The following TFIP11 variants were observed in gnomAD, a reference collection of about 807,000 sequenced individuals.
The protein encoded by TFIP11 is tuftelin interacting protein 11, also known as tuftelin-interacting protein 11.
In TFIP11, 86 loss-of-function variants were observed where a neutral mutation model predicts 96.8. That is an observed-to-expected ratio of 0.89 (90% CI 0.75 to 1.06). TFIP11 has a LOEUF of 1.06. Ranked by LOEUF, TFIP11 falls within the 50% of genes least tolerant of loss-of-function variation. TFIP11 has a pLI of 0.00. For missense variants in TFIP11, 881 were observed against 1,076.7 expected (o/e 0.82, Z 2.54); for synonymous variants, 405 against 395.2 (o/e 1.02, Z -0.29).
At chr22:26,510,333 C>T (rs1830480577) in intron 3 of TFIP11, 52 bp from the exon 4 acceptor site, 1 of 1,541,722 alleles carries the variant, frequency 6.5e-7, no homozygotes, top group East Asian at 2.3e-5. Context: ...GGGCAGCAGT[C>T]GAAGGATTCC....
chr22:26,493,692 T>C (rs544606761), intron 14 of TFIP11: 1 of 175,536 alleles, frequency 5.7e-6, no homozygotes, highest in African/African-American at 2.4e-5. Context: ...CTCTCCCTTT[T>C]AGCCTATAAA....
At position 26,510,099 on chromosome 22, in the gene TFIP11, G is replaced by A. The variant is rs756927674; in HGVS notation, c.174C>T (p.Asp58=). 4.3e-6 allele frequency: 7 copies of A among 1,613,900 alleles called. No individual in the cohort carries two copies. Among genetic ancestry groups the A allele is most frequent in the Non-Finnish European group, 5.9e-6 (7 of 1,180,048 alleles). The part of the protein sequence containing the change: ...EATYGVWAER[D]SDDERPSFGG... Reference sequence around the variant, plus strand: ...CAAAGCTGGGCCTCTCATCATCCGAGTCTCGCTCTGCCCACACCCCGTAGG... The same window carrying A: ...CAAAGCTGGGCCTCTCATCATCCGAATCTCGCTCTGCCCACACCCCGTAGG... The change falls in exon 4 of 15, where the codon GAC becomes GAT. Residue 58 remains aspartate (D), a synonymous_variant. Coordinates refer to ENST00000407690, the MANE Select transcript of TFIP11 (RefSeq NM_012143.4).
At chr22:26,497,357 C>CT (rs1422993067) in intron 10 of TFIP11, among the ~76,000 whole-genome samples, 4 of 152,274 alleles carry the variant, frequency 2.6e-5, no homozygotes, top group Non-Finnish European at 2.9e-5. Flanking sequence ...TTCCCATCTG[C>CT]TTTTTTTGCT....
At chr22:26,499,733 C>CTT in intron 8 of TFIP11, 102 bp from the exon 9 acceptor site, 1 of 1,233,814 alleles carries the variant, frequency 8.1e-7, no homozygotes, top group South Asian at 1.5e-5. Context: ...TGTGTAGAAA[C>CTT]CACATTATTC....
chr22:26,499,315 A>G lies in TFIP11; in HGVS notation c.1118T>C (p.Leu373Pro). Residue 373 changes from leucine (L) to proline (P), a missense_variant, in exon 9 of 15, where the codon CTC becomes CCC. Transcript: ENST00000407690. Reference sequence around the variant, plus strand: ...CTCCACCATCTCCAGGACCTTGCTGAGGTTCGAGATGACCCGCTCCTCGTG... The same window carrying G: ...CTCCACCATCTCCAGGACCTTGCTGGGGTTCGAGATGACCCGCTCCTCGTG... The part of the protein sequence containing the change: ...LDHEERVISN[L>P]SKVLEMVEEC... 6.2e-7 allele frequency: 1 copy of G among 1,613,970 alleles called. No individual in the cohort carries two copies. The highest frequency in any genetic ancestry group is 8.5e-7 in the Non-Finnish European group (1 of 1,179,958).
At chr22:26,492,625 G>A in intron 14 of TFIP11, 1 of 463,152 alleles carries the variant, frequency 2.2e-6, no homozygotes, top group South Asian at 2.4e-5. Context: ...TATCTGCAAG[G>A]GATTTCTTCC....
At chr22:26,494,738 A>G in intron 13 of TFIP11, 59 bp downstream of exon 13, 1 of 1,609,242 alleles carries the variant, frequency 6.2e-7, no homozygotes, top group Non-Finnish European at 8.5e-7. Context: ...CTTGGCAGAA[A>G]ATTAACTTAA....
intron 13 of TFIP11, chr22:26,494,584 G>C: frequency 4.0e-6 from 3 of 755,130 alleles, no homozygotes; most frequent in Non-Finnish European, 6.3e-6. Context: ...GAGAGGAGCT[G>C]AGATAAAGCA....
rs1569158257 is a variant in TFIP11, at chr22:26,496,849, C to T, written c.1477G>A (p.Val493Ile). 1 of 1,614,108 alleles carries T rather than the reference C, an allele frequency of 6.2e-7. No individual in the cohort carries two copies. The highest frequency in any genetic ancestry group is 1.7e-5 in the Admixed American group (1 of 60,022). Residue 493 changes from valine (V) to isoleucine (I), a missense_variant, in exon 11 of 15, where the codon GTC becomes ATC. By Grantham distance (29) the Val-to-Ile change is conservative (BLOSUM62 3). Coordinates refer to ENST00000407690, the MANE Select transcript of TFIP11 (RefSeq NM_012143.4). ...CAGTTCCTTGGCTGCCACTGGGTGA[C>T]AATATTTCGAACAAAAGGCATCCAG... ...EVWMPFVRNI[V>I]TQWQPRNCDP...
chr22:26,498,219 G>T (rs139977847), intron 10 of TFIP11, among the ~76,000 whole-genome samples: 1 of 152,172 alleles, frequency 6.6e-6, no homozygotes, highest in African/African-American at 2.4e-5. Context: ...GGGACTCGGG[G>T]AAAGGATGGG....
chr22:26,506,966 A>G (rs777339950), intron 4 of TFIP11, 38 bp from the exon 5 acceptor site: 4 of 1,604,526 alleles, frequency 2.5e-6, no homozygotes, highest in Non-Finnish European at 3.4e-6. Flanking sequence ...AGGTCGGTAA[A>G]GAACTCTTTT....
chr22:26,511,510 G>C (rs927102424), intron 2 of TFIP11, among the ~76,000 whole-genome samples: 1 of 152,316 alleles, frequency 6.6e-6, no homozygotes, highest in South Asian at 2.1e-4. Context: ...TGGGACTAGG[G>C]AGTAAACTTA....
In TFIP11 at chr22:26,491,302, G is replaced by A. The variant is rs1329961485; in HGVS notation, c.*711C>T. 1.8e-5 allele frequency: 13 copies of A among 732,266 alleles called. No individual in the cohort carries two copies. Among genetic ancestry groups the A allele is most frequent in the Admixed American group, 2.9e-5 (1 of 34,124 alleles). 45.4% of individuals were successfully genotyped at this position (732,266 alleles called of 1,614,324 possible). ...AGTCCATGATATCCACTGTCCTTGG[G>A]GCGCCCAATTCATTGTGCAAAAGCA... On this transcript the variant is annotated 3_prime_UTR_variant, in exon 15 of 15. Transcript: ENST00000407690.
At position 26,491,817 on chromosome 22, in the gene TFIP11, CAT is replaced by C. The variant is rs1329208117; in HGVS notation, c.*194_*195del. ...GTCCTGTTTTGAGGACGATACCCCACATGAGGACTTGGTATAAAGATTCCTGC... is the reference window on the plus strand; with the variant it reads ...GTCCTGTTTTGAGGACGATACCCCACGAGGACTTGGTATAAAGATTCCTGC... On this transcript the variant is annotated 3_prime_UTR_variant, in exon 15 of 15. Coordinates refer to ENST00000407690, the MANE Select transcript of TFIP11 (RefSeq NM_012143.4). 3.3e-6 allele frequency: 3 copies of C among 919,354 alleles called. No individual in the cohort carries two copies. Among genetic ancestry groups the C allele is most frequent in the Non-Finnish European group, 4.8e-6 (3 of 622,750 alleles). The allele number at this position is 919,354 out of a possible 1,614,324, so 56.9% of individuals were successfully genotyped here. A position where few individuals can be genotyped will look rare whatever the true frequency, so the allele number is the denominator to read the frequency against.
Position 26,506,352 on chromosome 22 carries a change from A to T in TFIP11, c.471T>A (p.Leu157=). ...RHTKGIGQKL[L]QKMGYVPGRG... Reference sequence around the variant, plus strand: ...GTCCAGGGACGTAGCCCATCTTCTGAAGAAGCTTCTGTCCAATTCCTTTTG... The same window carrying T: ...GTCCAGGGACGTAGCCCATCTTCTGTAGAAGCTTCTGTCCAATTCCTTTTG... The change falls in exon 6 of 15, where the codon CTT becomes CTA. Residue 157 remains leucine, a synonymous_variant. Transcript: ENST00000407690. 1.9e-6 allele frequency: 3 copies of T among 1,613,740 alleles called. No homozygotes were observed. In the South Asian group the frequency reaches 3.3e-5, roughly 18 times the overall value.
chr22:26,491,500 C>T lies in TFIP11; in HGVS notation c.*513G>A. The stretch of plus-strand genomic sequence containing the variant: ...CTGGAGGAGCTTGAGTTTCCTCAGA[C>T]TTCACAATACATGGACATATTTAAT... On this transcript the variant is annotated 3_prime_UTR_variant, in exon 15 of 15. Coordinates refer to ENST00000407690, the MANE Select transcript of TFIP11 (RefSeq NM_012143.4). 6.2e-7 allele frequency: 1 copy of T among 1,613,938 alleles called. No individual in the cohort carries two copies. Among genetic ancestry groups the T allele is most frequent in the Non-Finnish European group, 8.5e-7 (1 of 1,179,998 alleles).
At position 26,510,065 on chromosome 22, in the gene TFIP11, G is replaced by A. The variant is rs189780437; in HGVS notation, c.208C>T (p.Arg70Trp). The A allele has an allele frequency of 5.8e-5, 94 of 1,612,996 alleles. No individual in the cohort carries two copies. The East Asian group carries it at 1.6e-3, about 28-fold the overall frequency. The change falls in exon 4 of 15, where the codon CGG (arginine) becomes TGG (tryptophan). Residue 70 changes from arginine to tryptophan, a missense_variant and splice_region_variant. Coordinates refer to ENST00000407690, the MANE Select transcript of TFIP11 (RefSeq NM_012143.4). ...AGCAGCCCCCATGCCAGGCAATACC[G>A]TTTGCCTCCAAAGCTGGGCCTCTCA... ...DDERPSFGGK[R>W]ARDYSAPVNF...
chr22:26,504,904 T>G (rs1451067946), intron 6 of TFIP11, among the ~76,000 whole-genome samples: 2 of 152,052 alleles, frequency 1.3e-5, no homozygotes, highest in African/African-American at 2.4e-5. Flanking sequence ...AGTAAAACCC[T>G]GTCTCTACCA....
intron 12 of TFIP11, among the ~76,000 whole-genome samples, chr22:26,495,635 C>CATAT (rs199561236): frequency 1.6e-4 from 3 of 18,654 alleles, no homozygotes; most frequent in East Asian, 1.4e-3. Flanking sequence ...TGTGTATATA[C>CATAT]ATGTGTATAT....
Sources: gnomAD v4.1 joint callset for allele counts (sites outside exome capture counted in the v4.1 genomes callset) on GRCh38, gnomAD v4.1.1 for gene constraint, MANE v1.5 for transcripts, NCBI Gene and HGNC (gene_info 2026-07-23, HGNC 2026-07-21) for gene names.